Variants in LARP1B observed in about 807,000 individuals in gnomAD.
LARP1B encodes La ribonucleoprotein 1B.
Under a neutral mutation model 114.2 loss-of-function variants are expected in LARP1B, and 76 were observed. The observed-to-expected ratio is 0.67, with a 90% confidence interval of 0.55 to 0.81. The LOEUF (loss-of-function observed/expected upper bound fraction) is 0.81. Among genes scored for constraint, LARP1B ranks in the 30% least tolerant of loss-of-function variants. The pLI is 0.00. For synonymous variants in LARP1B, 345 were observed against 348.0 expected, an observed-to-expected ratio of 0.99 and a Z score of 0.10; for missense variants, 1,014 against 1,075.8, an observed-to-expected ratio of 0.94 and a Z score of 0.80.
At chr4:128,113,178 CATA>C (rs1228924690) in intron 9 of LARP1B, among the ~76,000 whole-genome samples, 2 of 152,052 alleles carry the variant, frequency 1.3e-5, no homozygotes, top group Admixed American at 6.6e-5. Flanking sequence ...AGGCTTACAA[CATA>C]ATGTTACAGA....
At chr4:128,144,376 T>C (rs1030304251) in intron 11 of LARP1B, among the ~76,000 whole-genome samples, 2 of 152,244 alleles carry the variant, frequency 1.3e-5, no homozygotes, top group Non-Finnish European at 2.9e-5. Context: ...ATGTTTTTCA[T>C]CAAATTTGGG....
chr4:128,108,533 A>G, intron 9 of LARP1B: 1 of 985,680 alleles, frequency 1.0e-6, no homozygotes, highest in Non-Finnish European at 1.2e-6. Flanking sequence ...AGCATCGATG[A>G]TGGACAGTCT....
chr4:128,160,502 A>G (rs577318237), intron 11 of LARP1B, among the ~76,000 whole-genome samples: 15 of 152,172 alleles, frequency 9.9e-5, no homozygotes, highest in African/African-American at 3.1e-4. Flanking sequence ...TGAGATATAT[A>G]CTTATGATTT....
At chr4:128,176,830 G>T in intron 12 of LARP1B, 42 bp from the exon 13 acceptor site, 1 of 1,573,636 alleles carries the variant, frequency 6.4e-7, no homozygotes, top group Non-Finnish European at 8.7e-7. Context: ...TGGATAAAAT[G>T]CAGACACAGC....
At chr4:128,074,619 T>A in intron 2 of LARP1B, 101 bp downstream of exon 2, 2 of 246,696 alleles carry the variant, frequency 8.1e-6, no homozygotes, top group Non-Finnish European at 1.4e-5. Context: ...CTAATTGTAT[T>A]ATTGGTATTA....
At chr4:128,108,388 T>G (rs1301989963) in intron 9 of LARP1B, 29 of 987,462 alleles carry the variant, frequency 2.9e-5, no homozygotes, top group Non-Finnish European at 3.4e-5. Flanking sequence ...GTCATGATGT[T>G]TCACTTGGAC....
intron 11 of LARP1B, among the ~76,000 whole-genome samples, chr4:128,148,825 C>T (rs1731440705): frequency 6.6e-6 from 1 of 152,102 alleles, no homozygotes; most frequent in Non-Finnish European, 1.5e-5. Flanking sequence ...TGGGGTTTCA[C>T]CATGTTGGCC....
chr4:128,200,715 CTTT>C lies in LARP1B; in HGVS notation c.2309+55_2309+57del, dbSNP rs761779150. On this transcript the variant is annotated intron_variant, in intron 17 of 19. Coordinates refer to ENST00000326639, the MANE Select transcript of LARP1B (RefSeq NM_018078.4). ...AAGGGAGTTTTATTATTTTCTTCTT[CTTT>C]TTTTCTTTACCCAGGTAGATCCGAT... 3.3e-5 allele frequency: 44 copies of C among 1,325,814 alleles called. No individual in the cohort carries two copies. In the Admixed American group the frequency reaches 4.5e-4, roughly 13 times the overall value. The allele number at this position is 1,325,814 out of a possible 1,614,324, so 82.1% of individuals were successfully genotyped here. A position where few individuals can be genotyped will look rare whatever the true frequency, so the allele number is the denominator to read the frequency against.
intron 8 of LARP1B, among the ~76,000 whole-genome samples, chr4:128,105,661 G>A (rs1409429358): frequency 2.0e-5 from 3 of 152,144 alleles, no homozygotes; most frequent in Middle Eastern, 3.2e-3. Flanking sequence ...GGAGGCCGAG[G>A]CGGGTGGATC....
intron 10 of LARP1B, among the ~76,000 whole-genome samples, chr4:128,114,999 G>A (rs1054585523): frequency 2.6e-5 from 4 of 151,582 alleles, no homozygotes; most frequent in South Asian, 2.1e-4. Flanking sequence ...GTGCAGTGGC[G>A]CGATCTTGGC....
intron 15 of LARP1B, among the ~76,000 whole-genome samples, chr4:128,184,201 A>G (rs1213175676): frequency 2.0e-5 from 3 of 152,212 alleles, no homozygotes; most frequent in African/African-American, 7.2e-5. Flanking sequence ...TGCTATCAGG[A>G]CAGCATCCAT....
In LARP1B at chr4:128,122,050, T is replaced by C. The variant is rs1404572206; in HGVS notation, c.1386T>C (p.Pro462=). 4 of 1,614,000 alleles carry C rather than the reference T, an allele frequency of 2.5e-6. No homozygotes were observed. The highest frequency in any genetic ancestry group is 3.3e-5 in the Admixed American group (2 of 59,998). The change falls in exon 11 of 20, where the codon CCT becomes CCC. Residue 462 remains proline, a synonymous_variant. Transcript: ENST00000326639. The stretch of plus-strand genomic sequence containing the variant: ...CACCACCTTATGTGAAAAAACATCC[T>C]GGAGGAGATCGAACAGGCACCCACA... ...TQTPPYVKKH[P]GGDRTGTHMS...
rs79486640 is a variant in LARP1B at position 128,194,030 on chromosome 4, T to C, written c.2004-5409T>C. On this transcript the variant is annotated intron_variant, in intron 15 of 19. Transcript: ENST00000326639. ...TGTGCTAAGAAGTCCATCAAAGAAGTATTCATTTCTGATATTGTGTTGTGT... is the reference window on the plus strand; with the variant it reads ...TGTGCTAAGAAGTCCATCAAAGAAGCATTCATTTCTGATATTGTGTTGTGT... Among the ~76,000 whole-genome samples, 1,498 of 152,332 alleles carry C rather than the reference T, an allele frequency of 9.8e-3. 24 individuals are homozygous for C. The highest frequency in any genetic ancestry group is 0.033 in the African/African-American group (1,370 of 41,572).
At chr4:128,094,180 C>T (rs1054887691) in intron 7 of LARP1B, among the ~76,000 whole-genome samples, 4 of 150,896 alleles carry the variant, frequency 2.7e-5, no homozygotes, top group African/African-American at 9.7e-5. Flanking sequence ...CGTCCTCGGC[C>T]TCCCAAAGTG....
At chr4:128,146,671 C>T (rs1730480182) in intron 11 of LARP1B, among the ~76,000 whole-genome samples, 1 of 152,100 alleles carries the variant, frequency 6.6e-6, no homozygotes, top group Admixed American at 6.6e-5. Flanking sequence ...CAAAAAGGGA[C>T]TTCCAGGATA....
intron 11 of LARP1B, among the ~76,000 whole-genome samples, chr4:128,131,851 C>A (rs775503065): frequency 4.0e-4 from 61 of 152,086 alleles, no homozygotes; most frequent in Non-Finnish European, 8.1e-4. Flanking sequence ...GAAATAAAAT[C>A]GTTGTTATAC....
chr4:128,121,872 CAGA>C lies in LARP1B; in HGVS notation c.1213_1215del (p.Glu405del). Reference sequence around the variant, plus strand: ...GGGTCATTAAATCAGCTATGTTCTTCAGAAGAACCAGAACAAGAAGAACTTGAT... The same window carrying C: ...GGGTCATTAAATCAGCTATGTTCTTCAGAACCAGAACAAGAAGAACTTGAT... On this transcript the variant is annotated inframe_deletion, in exon 11 of 20. Transcript: ENST00000326639. The C allele has an allele frequency of 1.2e-6, 2 of 1,609,728 alleles. No homozygotes were observed. The highest frequency in any genetic ancestry group is 2.2e-5 in the South Asian group (2 of 90,244).
At chr4:128,134,619 T>G (rs1350828408) in intron 11 of LARP1B, among the ~76,000 whole-genome samples, 1 of 152,132 alleles carries the variant, frequency 6.6e-6, no homozygotes, top group African/African-American at 2.4e-5. Flanking sequence ...AATTAAAAAT[T>G]TATGTGTATG....
chr4:128,140,984 T>C (rs1206439985), intron 11 of LARP1B, among the ~76,000 whole-genome samples: 1 of 151,886 alleles, frequency 6.6e-6, no homozygotes, highest in Non-Finnish European at 1.5e-5. Flanking sequence ...CCTGGCTAAT[T>C]TTTGTATTTT....
Sources: allele counts gnomAD v4.1 joint callset (sites outside exome capture counted in the v4.1 genomes callset), GRCh38; gene constraint gnomAD v4.1.1; transcripts MANE v1.5; gene names NCBI Gene and HGNC (gene_info 2026-07-23, HGNC 2026-07-21).